RC3H2: variants seen among roughly 807,000 people sequenced by gnomAD.
RC3H2 encodes the protein roquin-2.
RC3H2 carries 31 observed loss-of-function variants against 133.3 expected under a neutral mutation model. The observed-to-expected ratio is 0.23, with a 90% CI of 0.17 to 0.31. The LOEUF is 0.31. RC3H2 is among the 10% of genes least tolerant of loss of function. RC3H2 has a pLI of 1.00. For synonymous variants in RC3H2, 517 were observed against 502.2 expected (o/e 1.03, Z -0.40); for missense variants, 1,175 against 1,437.2 (o/e 0.82, Z 2.95).
At chr9:122,904,607 C>T (rs1004940234) in intron 1 of RC3H2, among the ~76,000 whole-genome samples, 1 of 152,170 alleles carries the variant, frequency 6.6e-6, no homozygotes, top group Non-Finnish European at 1.5e-5. Flanking sequence ...CACTCAGGTC[C>T]GGCCGTCCCC....
chr9:122,888,366 A>G (rs1449390183), intron 4 of RC3H2, among the ~76,000 whole-genome samples: 1 of 152,216 alleles, frequency 6.6e-6, no homozygotes, highest in African/African-American at 2.4e-5. Flanking sequence ...GTTGTTTTAT[A>G]ATTACATAAA....
At chr9:122,883,454 G>T in intron 4 of RC3H2, 75 bp from the exon 5 acceptor site, 2 of 1,201,792 alleles carry the variant, frequency 1.7e-6, no homozygotes, top group South Asian at 1.7e-5. Flanking sequence ...AGGCATCTTT[G>T]GGTATTAGAG....
chr9:122,863,794 C>A (rs537760389), intron 10 of RC3H2, among the ~76,000 whole-genome samples: 4 of 151,916 alleles, frequency 2.6e-5, no homozygotes, highest in Middle Eastern at 3.4e-3. Flanking sequence ...TGGCGTACAA[C>A]GGTGCGATCT....
intron 11 of RC3H2, 149 bp from the exon 12 acceptor site, chr9:122,859,251 G>GTTTTTTTTTTTT (rs1564287865): frequency 1.3e-5 from 4 of 307,342 alleles, no homozygotes; most frequent in African/African-American, 4.9e-5. Context: ...TTATACCCTG[G>GTTTTTTTTTTTT]CTTTTTTTTT....
chr9:122,893,104 T>C, intron 2 of RC3H2, 78 bp from the exon 3 acceptor site: 1 of 1,525,548 alleles, frequency 6.6e-7, no homozygotes, highest in Non-Finnish European at 8.8e-7. Flanking sequence ...TACTTGATAA[T>C]AATCTTGGTG....
chr9:122,881,742 C>T (rs1287715502), intron 5 of RC3H2, among the ~76,000 whole-genome samples: 1 of 152,154 alleles, frequency 6.6e-6, no homozygotes, highest in Non-Finnish European at 1.5e-5. Flanking sequence ...TCGCTGTAGC[C>T]TTGACTTTCT....
At chr9:122,898,506 T>G (rs1832516327) in intron 1 of RC3H2, among the ~76,000 whole-genome samples, 1 of 152,134 alleles carries the variant, frequency 6.6e-6, no homozygotes, top group Non-Finnish European at 1.5e-5. Context: ...TCCCAGCACT[T>G]TGAGAGGCCG....
intron 14 of RC3H2, 146 bp from the exon 15 acceptor site, chr9:122,855,543 AAACCACC>A: frequency 1.1e-6 from 1 of 938,516 alleles, no homozygotes; most frequent in Non-Finnish European, 1.6e-6. Flanking sequence ...AACTACCAGT[AAACCACC>A]AATGTTCAAA....
intron 10 of RC3H2, 118 bp from the exon 11 acceptor site, chr9:122,860,249 T>C (rs558683731): frequency 2.8e-5 from 20 of 711,014 alleles, no homozygotes; most frequent in Admixed American, 8.1e-5. Context: ...ACTTCAGACA[T>C]TGCCACATTG....
intron 20 of RC3H2, among the ~76,000 whole-genome samples, chr9:122,850,271 G>A (rs1322993037): frequency 1.3e-5 from 2 of 151,238 alleles, no homozygotes; most frequent in African/African-American, 4.9e-5. Context: ...CACCACTCCT[G>A]GCTTGAAAAG....
At chr9:122,896,110 G>A (rs1388162290) in intron 2 of RC3H2, among the ~76,000 whole-genome samples, 2 of 104,470 alleles carry the variant, frequency 1.9e-5, no homozygotes, top group African/African-American at 3.8e-5. Context: ...ACTAACAATA[G>A]CTGATGAGTT....
Position 122,893,022 on chromosome 9 carries a change from G to A in RC3H2, c.236C>T (p.Pro79Leu), listed in dbSNP as rs1418021299. The change falls in exon 3 of 21, where the codon CCA becomes CTA. Residue 79 changes from proline to leucine, a missense_variant. By Grantham distance (98) the Pro-to-Leu change is moderately conservative (BLOSUM62 -3). This residue lies in a region of RC3H2 where 30 missense variants were observed against 25.2 expected (regional missense o/e 1.19). Transcript: ENST00000357244. ...ACTTAACTTAATTGACTGATGATCT[G>A]GTACCTTAAAAAAAAAAAAAAAGGA... ...ALLQLVGAQV[P>L]DHQSIKLSNL... is the part of the protein sequence containing the mutation. The A allele has an allele frequency of 1.3e-6, 2 of 1,576,228 alleles. No individual in the cohort carries two copies. Among genetic ancestry groups the A allele is most frequent in the African/African-American group, 1.4e-5 (1 of 71,288 alleles).
intron 18 of RC3H2, among the ~76,000 whole-genome samples, chr9:122,852,233 C>T (rs1348356904): frequency 6.6e-6 from 1 of 151,602 alleles, no homozygotes; most frequent in Non-Finnish European, 1.5e-5. Flanking sequence ...GCCGCCCCGT[C>T]TGAGAAGTGA....
At position 122,851,419 on chromosome 9, in the gene RC3H2, T is replaced by C; in HGVS notation, c.3135A>G (p.Thr1045=). The change falls in exon 19 of 21, where the codon ACA becomes ACG. Residue 1045 remains threonine (T), a synonymous_variant. Transcript: ENST00000357244. ...CAGGTTTAGTATCTGTTGCATCTTCTGTATAATCACTCTGTAACTAAGAAA... is the reference window on the plus strand; with the variant it reads ...CAGGTTTAGTATCTGTTGCATCTTCCGTATAATCACTCTGTAACTAAGAAA... The part of the protein sequence containing the change: ...LRNGELQSDY[T]EDATDTKPDR... The C allele has an allele frequency of 1.2e-6, 2 of 1,614,132 alleles. No individual in the cohort carries two copies. Among genetic ancestry groups the C allele is most frequent in the Non-Finnish European group, 1.7e-6 (2 of 1,180,028 alleles).
chr9:122,872,520 T>C (rs553955767), intron 9 of RC3H2, among the ~76,000 whole-genome samples: 18 of 152,368 alleles, frequency 1.2e-4, no homozygotes, highest in African/African-American at 4.1e-4. Flanking sequence ...TGGCCAAAAT[T>C]GCTTATTTAC....
rs560000438 is a variant in RC3H2 at position 122,855,074 on chromosome 9, C to T, written c.2815+110G>A. On this transcript the variant is annotated intron_variant, in intron 15 of 20. Transcript: ENST00000357244. ...GTTGCAGTGAGCCAAGATCACACCA[C>T]TGCATTCCAGTCTGGGCAACAGAGT... The T allele has an allele frequency of 9.3e-6, 8 of 856,828 alleles. No homozygotes were observed. The South Asian group carries it at 1.2e-4, about 13-fold the overall frequency. 53.1% of individuals were successfully genotyped at this position (856,828 alleles called of 1,614,324 possible).
intron 4 of RC3H2, among the ~76,000 whole-genome samples, chr9:122,888,360 T>C (rs375619679): frequency 1.3e-5 from 2 of 152,314 alleles, no homozygotes; most frequent in East Asian, 1.9e-4. Flanking sequence ...TTTAAAGTTG[T>C]TTTATAATTA....
chr9:122,850,435 T>TAGATAGATAGATAGATAGATAG (rs1554766976), intron 20 of RC3H2, among the ~76,000 whole-genome samples: 1 of 149,862 alleles, frequency 6.7e-6, no homozygotes, highest in Admixed American at 6.7e-5. Flanking sequence ...GCTATCTATC[T>TAGATAGATAGATAGATAGATAG]ATAGATAGAT....
At chr9:122,878,587 T>C (rs900586344) in intron 8 of RC3H2, among the ~76,000 whole-genome samples, 1 of 152,184 alleles carries the variant, frequency 6.6e-6, no homozygotes, top group African/African-American at 2.4e-5. Flanking sequence ...AGCACAATCT[T>C]ATGTTATTTA....
Sources: gnomAD v4.1 joint callset for allele counts (sites outside exome capture counted in the v4.1 genomes callset) on GRCh38, gnomAD v4.1.1 for gene constraint, gnomAD v4.1.1 regional missense constraint, MANE v1.5 for transcripts, NCBI Gene and HGNC (gene_info 2026-07-23, HGNC 2026-07-21) for gene names.